ERG: variants seen among roughly 807,000 people sequenced by gnomAD.
The protein encoded by ERG is ETS transcription factor ERG, also known as transcriptional regulator ERG.
ERG carries 9 observed loss-of-function variants against 55.3 expected under a neutral mutation model. The observed-to-expected ratio is 0.16, with a 90% CI of 0.10 to 0.28. The LOEUF (loss-of-function observed/expected upper bound fraction) is 0.28. Among genes scored for constraint, ERG ranks in the 10% least tolerant of loss-of-function variants. The probability of loss-of-function intolerance (pLI) is 1.00; values close to 1 mark genes in which losing one functional copy is unlikely to be tolerated. For missense variants in ERG, 434 were observed against 631.6 expected, an observed-to-expected ratio of 0.69 and a Z score of 3.35; for synonymous variants, 223 against 237.3, an observed-to-expected ratio of 0.94 and a Z score of 0.55.
chr21:38,509,583 T>C (rs1032059219), intron 2 of ERG, among the ~76,000 whole-genome samples: 3 of 152,100 alleles, frequency 2.0e-5, no homozygotes, highest in Non-Finnish European at 4.4e-5. Flanking sequence ...GATACCCTCC[T>C]CTCCCATCCC....
At chr21:38,553,695 A>C (rs1417064764) in intron 2 of ERG, among the ~76,000 whole-genome samples, 1 of 152,230 alleles carries the variant, frequency 6.6e-6, no homozygotes, top group African/African-American at 2.4e-5. Flanking sequence ...AGATGGATTA[A>C]AGACTTAAAT....
At chr21:38,562,240 C>A (rs1217031184) in intron 2 of ERG, among the ~76,000 whole-genome samples, 2 of 152,186 alleles carry the variant, frequency 1.3e-5, no homozygotes, top group African/African-American at 4.8e-5. Flanking sequence ...CATACACGCA[C>A]ATATATAACT....
At chr21:38,555,085 G>C (rs1440909756) in intron 2 of ERG, among the ~76,000 whole-genome samples, 1 of 152,092 alleles carries the variant, frequency 6.6e-6, no homozygotes, top group African/African-American at 2.4e-5. Context: ...CCAGCACTTT[G>C]GGATGCTGAG....
At chr21:38,563,554 C>T (rs16996496) in intron 2 of ERG, among the ~76,000 whole-genome samples, 3,690 of 152,292 alleles carry the variant, frequency 0.024, 150 homozygotes, top group African/African-American at 0.084. Context: ...TGGTTACAAT[C>T]ATACCTAGAA....
At chr21:38,574,469 A>C (rs2059982695) in intron 2 of ERG, among the ~76,000 whole-genome samples, 1 of 152,226 alleles carries the variant, frequency 6.6e-6, no homozygotes, top group Admixed American at 6.5e-5. Flanking sequence ...CAATCTCTGA[A>C]AGTGAAGGAG....
intron 1 of ERG, among the ~76,000 whole-genome samples, chr21:38,608,606 C>T (rs945114582): frequency 1.3e-5 from 2 of 152,180 alleles, no homozygotes; most frequent in African/African-American, 4.8e-5. Flanking sequence ...TGAGACTTCA[C>T]CTGTTGCCTG....
chr21:38,516,812 C>T (rs1036535784), intron 2 of ERG, among the ~76,000 whole-genome samples: 3 of 151,934 alleles, frequency 2.0e-5, no homozygotes, highest in African/African-American at 7.2e-5. Flanking sequence ...AATAAATCCA[C>T]ATATTCACAG....
In ERG at chr21:38,432,726, CAG is replaced by C. The variant is rs977694046; in HGVS notation, c.237-9167_237-9166del. On this transcript the variant is annotated intron_variant, in intron 2 of 9. Transcript: ENST00000288319. ...CAGGAGCCTTGTTACAGATGAAGCA[CAG>C]AGAGGTTGGATAACTTGCCCAAGAT... Among the ~76,000 whole-genome samples the C allele has an allele frequency of 1.3e-4, 20 of 152,252 alleles. No homozygotes were observed. In the Middle Eastern group the frequency reaches 0.014, roughly 104 times the overall value.
At chr21:38,388,548 A>G (rs1051329955) in intron 9 of ERG, among the ~76,000 whole-genome samples, 2 of 152,260 alleles carry the variant, frequency 1.3e-5, no homozygotes, top group African/African-American at 4.8e-5. Context: ...ATTGTCATTA[A>G]TACAAAGATA....
At chr21:38,576,014 T>C (rs1210149648) in intron 1 of ERG, among the ~76,000 whole-genome samples, 2 of 152,178 alleles carry the variant, frequency 1.3e-5, no homozygotes, top group Non-Finnish European at 2.9e-5. Context: ...CTAACCCACA[T>C]CACATGCAGC....
chr21:38,558,688 A>G (rs2059873376), intron 2 of ERG, among the ~76,000 whole-genome samples: 1 of 152,238 alleles, frequency 6.6e-6, no homozygotes, highest in Non-Finnish European at 1.5e-5. Context: ...ATCAATAAGG[A>G]AAGCCAAATG....
At chr21:38,459,442 T>C (rs2059020623) in intron 1 of ERG, among the ~76,000 whole-genome samples, 1 of 152,266 alleles carries the variant, frequency 6.6e-6, no homozygotes, top group South Asian at 2.1e-4. Flanking sequence ...TCTGAGGGCA[T>C]GGTTGCCATT....
At chr21:38,514,114 T>C (rs998590146) in intron 2 of ERG, among the ~76,000 whole-genome samples, 1 of 151,622 alleles carries the variant, frequency 6.6e-6, no homozygotes, top group African/African-American at 2.4e-5. Flanking sequence ...ATTAAAGACA[T>C]TGATTGAAAA....
chr21:38,572,169 A>T (rs1366465044), intron 2 of ERG, among the ~76,000 whole-genome samples: 2 of 149,274 alleles, frequency 1.3e-5, no homozygotes, highest in Non-Finnish European at 3.0e-5. Flanking sequence ...ATCCTGGCTA[A>T]CACGGTGAAA....
At chr21:38,486,271 A>ACATAAAAACCATTGTGTTAAGTGT in intron 1 of ERG, among the ~76,000 whole-genome samples, 1 of 152,156 alleles carries the variant, frequency 6.6e-6, no homozygotes, top group African/African-American at 2.4e-5. Flanking sequence ...ACATTTTGAT[A>ACATAAAAACCATTGTGTTAAGTGT]CATAAAAACC....
At chr21:38,534,526 C>T (rs940151603) in intron 2 of ERG, among the ~76,000 whole-genome samples, 2 of 151,558 alleles carry the variant, frequency 1.3e-5, no homozygotes, top group African/African-American at 4.8e-5. Flanking sequence ...ACACTTCACA[C>T]CTATTAGGAT....
intron 1 of ERG, among the ~76,000 whole-genome samples, chr21:38,490,058 C>T (rs2059321949): frequency 6.6e-6 from 1 of 152,208 alleles, no homozygotes; most frequent in African/African-American, 2.4e-5. Flanking sequence ...CCGGTGAACT[C>T]ACCAGCAAGC....
chr21:38,596,075 T>C (rs890323231), intron 1 of ERG, among the ~76,000 whole-genome samples: 1 of 151,730 alleles, frequency 6.6e-6, no homozygotes, highest in African/African-American at 2.4e-5. Context: ...GGGGTCTCTT[T>C]TTATAATAGC....
intron 2 of ERG, among the ~76,000 whole-genome samples, chr21:38,536,641 T>C (rs67353570): frequency 0.037 from 5,639 of 152,288 alleles, 122 homozygotes; most frequent in Middle Eastern, 0.12. Context: ...ATTCAGTGCA[T>C]GTTGAAGGGA....
Sources: allele counts gnomAD v4.1 joint callset (sites outside exome capture counted in the v4.1 genomes callset), GRCh38; gene constraint gnomAD v4.1.1; transcripts MANE v1.5; gene names NCBI Gene and HGNC (gene_info 2026-07-23, HGNC 2026-07-21).